The following FTO variants were observed in gnomAD, a reference collection of about 807,000 sequenced individuals.
The protein encoded by FTO is FTO alpha-ketoglutarate dependent dioxygenase.
FTO carries 47 observed loss-of-function variants against 63.9 expected under a neutral mutation model. That is an observed-to-expected ratio of 0.74 (90% confidence interval 0.58 to 0.94). The LOEUF is 0.94. Among genes scored for constraint, FTO ranks in the 40% least tolerant of loss-of-function variants. The pLI, the probability that FTO is intolerant of heterozygous loss-of-function variation, is 0.00. For synonymous variants in FTO, 207 were observed against 224.4 expected (o/e 0.92, Z 0.69); for missense variants, 562 against 618.1 (o/e 0.91, Z 0.96).
At position 54,100,930 on chromosome 16, in the gene FTO, C is replaced by A. The variant is rs148328130; in HGVS notation, c.1365-10832C>A. ...GGAAAAGGCAGGGCACTCCTCTGGA[C>A]CCCTGAAGAAAGCGTGGAGATGCCT... is the stretch of plus-strand genomic sequence containing the variant. On this transcript the variant is annotated intron_variant, in intron 8 of 8. Coordinates refer to ENST00000471389, the MANE Select transcript of FTO (RefSeq NM_001080432.3). Among the ~76,000 whole-genome samples the A allele has an allele frequency of 8.9e-4, 136 of 152,208 alleles. 1 individual carries two copies. The East Asian group carries it at 0.022, about 25-fold the overall frequency.
At chr16:54,030,334 A>G (rs1464093412) in intron 8 of FTO, among the ~76,000 whole-genome samples, 1 of 152,214 alleles carries the variant, frequency 6.6e-6, no homozygotes, top group Non-Finnish European at 1.5e-5. Flanking sequence ...CAATTATGAG[A>G]AAGAAACTAC....
chr16:53,828,206 C>A (rs2079058476), intron 3 of FTO, among the ~76,000 whole-genome samples: 1 of 151,986 alleles, frequency 6.6e-6, no homozygotes, highest in Non-Finnish European at 1.5e-5. Flanking sequence ...TGTGCAAACT[C>A]CTTTGTTCTC....
intron 8 of FTO, among the ~76,000 whole-genome samples, chr16:54,067,755 G>A (rs1460006998): frequency 1.3e-5 from 2 of 152,158 alleles, no homozygotes; most frequent in Non-Finnish European, 2.9e-5. Context: ...AGTTCATATA[G>A]GCCTACTTAG....
rs1359197677 is a variant in FTO, at chr16:54,114,990, C to T, written c.*3075C>T. The T allele has an allele frequency of 1.3e-5, 2 of 152,130 alleles. No individual in the cohort carries two copies. Among genetic ancestry groups the T allele is most frequent in the African/African-American group, 4.8e-5 (2 of 41,376 alleles). The allele number at this position is 152,130 out of a possible 1,614,324, so 9.4% of individuals were successfully genotyped here. A position where few individuals can be genotyped will look rare whatever the true frequency, so the allele number is the denominator to read the frequency against. The stretch of plus-strand genomic sequence containing the variant: ...GTGGGTAGAAGGAGGTGGGCAAGAC[C>T]CAATAAAAAAGCAGCTGGTGCGGGC... On this transcript the variant is annotated 3_prime_UTR_variant, in exon 9 of 9. Transcript: ENST00000471389.
At chr16:53,773,539 T>C (rs2077392005) in intron 1 of FTO, among the ~76,000 whole-genome samples, 2 of 152,128 alleles carry the variant, frequency 1.3e-5, no homozygotes, top group African/African-American at 4.8e-5. Flanking sequence ...GCTTATTTGG[T>C]GTAATAATTA....
intron 8 of FTO, among the ~76,000 whole-genome samples, chr16:54,025,914 G>C (rs1437373395): frequency 6.6e-6 from 1 of 152,182 alleles, no homozygotes; most frequent in African/African-American, 2.4e-5. Context: ...TCTGGAGGCT[G>C]AGGCAGGAGA....
Position 54,027,299 on chromosome 16 carries a change from G to T in FTO, c.1365-84463G>T, listed in dbSNP as rs910435073. 3.9e-5 allele frequency among the ~76,000 whole-genome samples: 6 copies of T among 152,242 alleles called. 1 individual carries two copies. Among genetic ancestry groups the T allele is most frequent in the Admixed American group, 3.9e-4 (6 of 15,292 alleles). Reference sequence around the variant, plus strand: ...TAGCTGAATTTTTGGGGTTGGCAAAGCCATGAATGGAATGATAGGTTTAGG... The same window carrying T: ...TAGCTGAATTTTTGGGGTTGGCAAATCCATGAATGGAATGATAGGTTTAGG... On this transcript the variant is annotated intron_variant, in intron 8 of 8. Transcript: ENST00000471389.
intron 7 of FTO, among the ~76,000 whole-genome samples, chr16:53,919,605 A>G (rs2081961790): frequency 6.6e-6 from 1 of 152,224 alleles, no homozygotes; most frequent in Admixed American, 6.5e-5. Context: ...GCGGATAAAG[A>G]AATTGTGGTA....
At position 53,709,366 on chromosome 16, in the gene FTO, A is replaced by G. The variant is rs934406120; in HGVS notation, c.45+5137A>G. On this transcript the variant is annotated intron_variant, in intron 1 of 8. Coordinates refer to ENST00000471389, the MANE Select transcript of FTO (RefSeq NM_001080432.3). ...TAAGGCATATAATAGAACAGTCCAGATAAGTATTTGATGGTTTGAGTTAGA... is the reference window on the plus strand; with the variant it reads ...TAAGGCATATAATAGAACAGTCCAGGTAAGTATTTGATGGTTTGAGTTAGA... Among the ~76,000 whole-genome samples, 7 of 152,256 alleles carry G rather than the reference A, an allele frequency of 4.6e-5. 1 individual carries two copies. The highest frequency in any genetic ancestry group is 1.0e-4 in the Non-Finnish European group (7 of 68,046).
intron 1 of FTO, among the ~76,000 whole-genome samples, chr16:53,767,627 A>G (rs962994664): frequency 2.0e-5 from 3 of 151,942 alleles, no homozygotes; most frequent in Non-Finnish European, 4.4e-5. Context: ...TCAAGGTGTC[A>G]TTATTAAGCC....
chr16:53,922,325 T>C (rs957739811), intron 7 of FTO, among the ~76,000 whole-genome samples: 1 of 152,194 alleles, frequency 6.6e-6, no homozygotes, highest in African/African-American at 2.4e-5. Context: ...GAATTTCCCA[T>C]TGGCTTAAAG....
chr16:53,846,632 G>A (rs929612113), intron 4 of FTO, among the ~76,000 whole-genome samples: 9 of 151,452 alleles, frequency 5.9e-5, no homozygotes, highest in Admixed American at 3.3e-4. Flanking sequence ...GAAACCCCCC[G>A]TCTCCACTAA....
intron 8 of FTO, among the ~76,000 whole-genome samples, chr16:53,939,023 G>A (rs1292178488): frequency 2.0e-5 from 3 of 152,030 alleles, no homozygotes; most frequent in South Asian, 2.1e-4. Context: ...GCATGAACCC[G>A]GGAGGCGGAG....
At position 53,873,891 on chromosome 16, in the gene FTO, A is replaced by C. The variant is rs1468373096; in HGVS notation, c.975+26A>C. On this transcript the variant is annotated intron_variant, in intron 5 of 8. Coordinates refer to ENST00000471389, the MANE Select transcript of FTO (RefSeq NM_001080432.3). ...GTAAGTGTAAATAAAAATGTGATTCACACCTAATTGGATGTGACAGAAGTG... is the reference window on the plus strand; with the variant it reads ...GTAAGTGTAAATAAAAATGTGATTCCCACCTAATTGGATGTGACAGAAGTG... The C allele has an allele frequency of 3.2e-6, 5 of 1,538,988 alleles. No homozygotes were observed. In the African/African-American group the frequency reaches 4.1e-5, roughly 13 times the overall value.
chr16:53,754,361 G>A (rs891733038), intron 1 of FTO, among the ~76,000 whole-genome samples: 8 of 152,228 alleles, frequency 5.3e-5, no homozygotes, highest in African/African-American at 1.9e-4. Context: ...CTCCAGGCTG[G>A]GCGCGGTGGC....
chr16:53,896,517 A>T (rs368250024), intron 7 of FTO, among the ~76,000 whole-genome samples: 17 of 152,286 alleles, frequency 1.1e-4, no homozygotes, highest in African/African-American at 4.1e-4. Flanking sequence ...CGTGCCATTT[A>T]TTTGGAATAT....
chr16:53,730,669 T>C (rs1289125472), intron 1 of FTO, among the ~76,000 whole-genome samples: 1 of 152,078 alleles, frequency 6.6e-6, no homozygotes, highest in Non-Finnish European at 1.5e-5. Flanking sequence ...TAATTTTTTG[T>C]ATTTTTAGTA....
At chr16:53,769,897 A>G (rs1201058088) in intron 1 of FTO, among the ~76,000 whole-genome samples, 1 of 152,100 alleles carries the variant, frequency 6.6e-6, no homozygotes, top group African/African-American at 2.4e-5. Flanking sequence ...ACCTTAGGTT[A>G]TCTCTATTCC....
rs181338153 is a variant in FTO at position 53,732,209 on chromosome 16, C to T, written c.45+27980C>T. Among the ~76,000 whole-genome samples, 449 of 151,944 alleles carry T rather than the reference C, an allele frequency of 3.0e-3. 1 individual carries two copies. The highest frequency in any genetic ancestry group is 9.6e-3 in the African/African-American group (398 of 41,426). ...GACTACAGGCGCCCGCCACCACGCC[C>T]GGCTAATTTCTTTTTGTATTTTTAG... is the stretch of plus-strand genomic sequence containing the variant. On this transcript the variant is annotated intron_variant, in intron 1 of 8. Transcript: ENST00000471389.
Sources: gnomAD v4.1 joint callset for allele counts (sites outside exome capture counted in the v4.1 genomes callset) on GRCh38, gnomAD v4.1.1 for gene constraint, MANE v1.5 for transcripts, NCBI Gene and HGNC (gene_info 2026-07-23, HGNC 2026-07-21) for gene names.